Variants in NEK6 observed in about 807,000 individuals in gnomAD.
NEK6 encodes the protein NIMA related kinase 6.
In NEK6, 27 loss-of-function variants were observed where a neutral mutation model predicts 43.5. That is an observed-to-expected ratio of 0.62 (90% CI 0.46 to 0.86). The LOEUF (loss-of-function observed/expected upper bound fraction) is 0.86, where lower values mean the gene tolerates loss of function less well. Among genes scored for constraint, NEK6 ranks in the 40% least tolerant of loss-of-function variants. The pLI is 0.00. For missense variants in NEK6, 318 were observed against 414.4 expected (o/e 0.77, Z 2.02); for synonymous variants, 167 against 164.1 (o/e 1.02, Z -0.14).
chr9:124,260,323 G>A (rs893399025), intron 1 of NEK6, among the ~76,000 whole-genome samples: 2 of 152,190 alleles, frequency 1.3e-5, no homozygotes, highest in African/African-American at 4.8e-5. Flanking sequence ...TAAAACTGAG[G>A]TTCAGAGACA....
At chr9:124,349,754 T>TC (rs1207942992) in intron 9 of NEK6, among the ~76,000 whole-genome samples, 1 of 152,154 alleles carries the variant, frequency 6.6e-6, no homozygotes, top group African/African-American at 2.4e-5. Flanking sequence ...ACAGGTACCT[T>TC]CCCCCGAATA....
rs553098593 is a variant in NEK6 at position 124,314,132 on chromosome 9, C to T, written c.294+147C>T. On this transcript the variant is annotated intron_variant, in intron 4 of 9. Transcript: ENST00000320246. ...ACAGACGATAGCTTTCTAGGGGCAG[C>T]GGCTAGTGAGTTTTCTCCTGGCCAG... The T allele has an allele frequency of 9.8e-4, 710 of 724,064 alleles. 15 individuals are homozygous for T. The South Asian group carries it at 0.012, about 12-fold the overall frequency. 44.9% of individuals were successfully genotyped at this position (724,064 alleles called of 1,614,324 possible).
At chr9:124,308,549 G>A (rs1353136257) in intron 2 of NEK6, among the ~76,000 whole-genome samples, 2 of 152,160 alleles carry the variant, frequency 1.3e-5, no homozygotes, top group Non-Finnish European at 2.9e-5. Flanking sequence ...CCAGCTACTT[G>A]GGAGGCTGAG....
chr9:124,330,715 C>T (rs578260377), intron 7 of NEK6, among the ~76,000 whole-genome samples: 3 of 152,324 alleles, frequency 2.0e-5, no homozygotes, highest in East Asian at 1.9e-4. Flanking sequence ...TGGGGATATG[C>T]GATTATGCAG....
rs140997262 is a variant in NEK6 at position 124,349,873 on chromosome 9, T to G, written c.832-964T>G. Among the ~76,000 whole-genome samples the G allele has an allele frequency of 1.1e-4, 17 of 152,338 alleles. 1 individual carries two copies. The East Asian group carries it at 3.3e-3, about 29-fold the overall frequency. The stretch of plus-strand genomic sequence containing the variant: ...ACCTGGGCTTCTCGGTTGTAAGGCA[T>G]GCACGCAGGTGCGAGGGGATACCCT... On this transcript the variant is annotated intron_variant, in intron 9 of 9. Coordinates refer to ENST00000320246, the MANE Select transcript of NEK6 (RefSeq NM_014397.6).
Position 124,326,847 on chromosome 9 carries a change from C to T in NEK6, c.514+409C>T, listed in dbSNP as rs570767261. 1.3e-5 allele frequency among the ~76,000 whole-genome samples: 2 copies of T among 152,104 alleles called. No individual in the cohort carries two copies. Among genetic ancestry groups the T allele is most frequent in the Non-Finnish European group, 2.9e-5 (2 of 68,010 alleles). ...GTGAGAAAGGAGCCTGCTGGGTGCC[C>T]GGCAGGGCACGAGGTCCTTTACGTA... On this transcript the variant is annotated intron_variant, in intron 6 of 9. Transcript: ENST00000320246. The surrounding 1 kb of genome is among the most constrained non-coding windows in gnomAD (Gnocchi z 4.5).
At chr9:124,323,514 A>G (rs1834176327) in intron 5 of NEK6, among the ~76,000 whole-genome samples, 1 of 152,152 alleles carries the variant, frequency 6.6e-6, no homozygotes, top group Admixed American at 6.5e-5. Flanking sequence ...GAGGAGCAGG[A>G]GATGAAGGAG....
At chr9:124,322,018 G>GTC (rs1315599031) in intron 5 of NEK6, among the ~76,000 whole-genome samples, 2 of 152,212 alleles carry the variant, frequency 1.3e-5, no homozygotes, top group East Asian at 3.9e-4. Context: ...TCTTGGGAAA[G>GTC]CATCTTGTAG....
At chr9:124,347,355 A>G (rs890902703) in intron 8 of NEK6, among the ~76,000 whole-genome samples, 3 of 152,276 alleles carry the variant, frequency 2.0e-5, no homozygotes, top group African/African-American at 4.8e-5. Context: ...TTTTATGGAA[A>G]TAAGACCATG....
At chr9:124,285,563 A>G (rs867519929) in intron 1 of NEK6, among the ~76,000 whole-genome samples, 1 of 152,140 alleles carries the variant, frequency 6.6e-6, no homozygotes, top group African/African-American at 2.4e-5. Context: ...TGAACTGAAG[A>G]AATCAGAGTT....
At chr9:124,333,837 G>A (rs1015178888) in intron 7 of NEK6, among the ~76,000 whole-genome samples, 4 of 150,038 alleles carry the variant, frequency 2.7e-5, no homozygotes. Context: ...GAATGCAGTG[G>A]TGCGATCTCG....
intron 1 of NEK6, chr9:124,261,414 AG>A: frequency 1.0e-6 from 1 of 985,458 alleles, no homozygotes; most frequent in Non-Finnish European, 1.2e-6. Context: ...TGGAGAGTGG[AG>A]GGACCTGGTG....
chr9:124,277,197 C>T (rs923493067), intron 1 of NEK6, among the ~76,000 whole-genome samples: 8 of 152,166 alleles, frequency 5.3e-5, no homozygotes, highest in African/African-American at 1.9e-4. Context: ...GTAATTCCAG[C>T]ACTTTGGGAG....
At chr9:124,295,401 T>C (rs1281191520) in intron 1 of NEK6, among the ~76,000 whole-genome samples, 4 of 152,142 alleles carry the variant, frequency 2.6e-5, no homozygotes, top group Admixed American at 1.3e-4. Flanking sequence ...AACGTCTGCT[T>C]ATCCTGAGAC....
At chr9:124,267,344 G>A (rs1831268404) in intron 1 of NEK6, among the ~76,000 whole-genome samples, 3 of 152,228 alleles carry the variant, frequency 2.0e-5, no homozygotes, top group Non-Finnish European at 4.4e-5. Flanking sequence ...CCGCCCCTGG[G>A]CTTGGCAGGT....
intron 1 of NEK6, among the ~76,000 whole-genome samples, chr9:124,288,020 G>A (rs1322349767): frequency 1.3e-5 from 2 of 152,166 alleles, no homozygotes; most frequent in East Asian, 3.9e-4. Flanking sequence ...AAAATGCTTT[G>A]CCATCACTTC....
chr9:124,308,359 C>A (rs946858968), intron 2 of NEK6, among the ~76,000 whole-genome samples: 1 of 152,188 alleles, frequency 6.6e-6, no homozygotes, highest in South Asian at 2.1e-4. Flanking sequence ...GCAACAGAAA[C>A]CAGTTTTCTG....
intron 2 of NEK6, among the ~76,000 whole-genome samples, chr9:124,304,088 G>A (rs1005996681): frequency 1.3e-5 from 2 of 152,256 alleles, no homozygotes; most frequent in Non-Finnish European, 1.5e-5. Context: ...GTCGGGCAAC[G>A]ATGCCCCCAG....
At chr9:124,272,898 A>G (rs1441809124) in intron 1 of NEK6, among the ~76,000 whole-genome samples, 1 of 152,180 alleles carries the variant, frequency 6.6e-6, no homozygotes, top group Non-Finnish European at 1.5e-5. Flanking sequence ...AGACCACACT[A>G]TCGGAACCAC....
Sources: allele counts gnomAD v4.1 joint callset (sites outside exome capture counted in the v4.1 genomes callset), GRCh38; gene constraint gnomAD v4.1.1; non-coding constraint Gnocchi (gnomAD v3.1); transcripts MANE v1.5; gene names NCBI Gene and HGNC (gene_info 2026-07-23, HGNC 2026-07-21).